The following HNRNPLL variants were observed in gnomAD, a reference collection of about 807,000 sequenced individuals.
HNRNPLL encodes heterogeneous nuclear ribonucleoprotein L-like.
HNRNPLL carries 25 observed loss-of-function variants against 67.1 expected under a neutral mutation model. That is an observed-to-expected ratio of 0.37 (90% CI 0.27 to 0.52). The LOEUF (loss-of-function observed/expected upper bound fraction) is 0.52, where lower values mean the gene tolerates loss of function less well. Ranked by LOEUF, HNRNPLL falls within the 20% of genes least tolerant of loss-of-function variation. HNRNPLL has a pLI of 0.90. For synonymous variants in HNRNPLL, 267 were observed against 241.7 expected (o/e 1.10, Z -0.97); for missense variants, 542 against 673.9 (o/e 0.80, Z 2.17).
chr2:38,591,460 G>C (rs1666954211), intron 2 of HNRNPLL, 70 bp downstream of exon 2: 3 of 846,860 alleles, frequency 3.5e-6, no homozygotes, highest in Non-Finnish European at 6.2e-6. Flanking sequence ...AAACATCAAG[G>C]CTTGTAACAA....
intron 4 of HNRNPLL, among the ~76,000 whole-genome samples, chr2:38,582,772 T>C (rs1021172696): frequency 3.3e-5 from 5 of 151,678 alleles, no homozygotes; most frequent in South Asian, 2.1e-4. Context: ...ATACAAAAAT[T>C]AGCTGGGTGT....
chr2:38,562,199 T>C lies in HNRNPLL; in HGVS notation c.*1983A>G, dbSNP rs887621745. ...AAGCAAACTTCATTAACAGCAGTCA[T>C]GCCTAAGTAAACTATCAAAAACATT... is the stretch of plus-strand genomic sequence containing the variant. On this transcript the variant is annotated 3_prime_UTR_variant, in exon 13 of 13. Coordinates refer to ENST00000449105, the MANE Select transcript of HNRNPLL (RefSeq NM_138394.4). The C allele has an allele frequency of 2.0e-5, 3 of 152,176 alleles. No individual in the cohort carries two copies. Among genetic ancestry groups the C allele is most frequent in the African/African-American group, 7.2e-5 (3 of 41,440 alleles). The allele number at this position is 152,176 out of a possible 1,614,324, so 9.4% of individuals were successfully genotyped here.
At chr2:38,602,092 G>C (rs1280662474) in intron 1 of HNRNPLL, 18 of 285,408 alleles carry the variant, frequency 6.3e-5, no homozygotes, top group African/African-American at 6.9e-5. Context: ...CGCTGGCCCC[G>C]AGCCCGAGGA....
chr2:38,600,979 A>T (rs1181386412), intron 1 of HNRNPLL, among the ~76,000 whole-genome samples: 1 of 152,252 alleles, frequency 6.6e-6, no homozygotes, highest in Non-Finnish European at 1.5e-5. Flanking sequence ...ACATTTCATG[A>T]TGCTGCACAA....
intron 1 of HNRNPLL, among the ~76,000 whole-genome samples, chr2:38,597,021 T>C (rs925670423): frequency 9.2e-5 from 14 of 152,336 alleles, no homozygotes; most frequent in Non-Finnish European, 1.3e-4. Context: ...CTCTTAATAA[T>C]ACAATATTTT....
intron 6 of HNRNPLL, chr2:38,581,525 T>A: frequency 3.7e-6 from 1 of 267,330 alleles, no homozygotes; most frequent in Non-Finnish European, 7.0e-6. Flanking sequence ...GAGTCCTCTA[T>A]CCTTCTTAAT....
At chr2:38,586,841 CA>C (rs1341869221) in intron 2 of HNRNPLL, among the ~76,000 whole-genome samples, 1 of 151,562 alleles carries the variant, frequency 6.6e-6, no homozygotes, top group Non-Finnish European at 1.5e-5. Context: ...ACGAAGCAGC[CA>C]AAAAAACCCC....
rs758837741 is a variant in HNRNPLL at position 38,602,877 on chromosome 2, CCCT to C, written c.-254_-252del. 5.2e-5 allele frequency: 80 copies of C among 1,546,492 alleles called. No individual in the cohort carries two copies. The highest frequency in any genetic ancestry group is 1.5e-4 in the East Asian group (6 of 40,658). On this transcript the variant is annotated 5_prime_UTR_variant, in exon 1 of 13. Coordinates refer to ENST00000449105, the MANE Select transcript of HNRNPLL (RefSeq NM_138394.4). Reference sequence around the variant, plus strand: ...ATTACCGAGCCAACATTCAGCCTCTCCCTCCTCCTCCTCCGTCTCCGCTCCCTG... The same window carrying C: ...ATTACCGAGCCAACATTCAGCCTCTCCCTCCTCCTCCGTCTCCGCTCCCTG...
At position 38,581,992 on chromosome 2, in the gene HNRNPLL, A is replaced by G; in HGVS notation, c.730-7T>C. 6.2e-7 allele frequency: 1 copy of G among 1,610,884 alleles called. No homozygotes were observed. Among genetic ancestry groups the G allele is most frequent in the South Asian group, 1.1e-5 (1 of 90,998 alleles). ...TAACATTTAGACGAGTTGGCTGTTA[A>G]GATTGAAAATAATGTAAGTTCAAAC... On this transcript the variant is annotated splice_region_variant and splice_polypyrimidine_tract_variant and intron_variant, in intron 5 of 12. Transcript: ENST00000449105.
chr2:38,573,070 T>A (rs1666155381), intron 8 of HNRNPLL, 140 bp downstream of exon 8: 1 of 633,302 alleles, frequency 1.6e-6, no homozygotes, highest in South Asian at 1.9e-5. Context: ...AGTTCCTATA[T>A]AATAGATTTT....
At chr2:38,578,835 G>C (rs1331866993) in intron 6 of HNRNPLL, among the ~76,000 whole-genome samples, 3 of 151,886 alleles carry the variant, frequency 2.0e-5, no homozygotes, top group African/African-American at 7.3e-5. Context: ...TTAGTCGTTG[G>C]CCAAAACCTC....
chr2:38,600,391 G>C (rs1438824972), intron 1 of HNRNPLL, among the ~76,000 whole-genome samples: 2 of 152,132 alleles, frequency 1.3e-5, no homozygotes, highest in Non-Finnish European at 2.9e-5. Flanking sequence ...TACAGACTAA[G>C]AGAACTCAGA....
intron 7 of HNRNPLL, among the ~76,000 whole-genome samples, chr2:38,575,269 T>C (rs868192639): frequency 5.3e-5 from 8 of 152,002 alleles, no homozygotes; most frequent in South Asian, 2.1e-4. Flanking sequence ...AAGTTTTCTA[T>C]ACTAAATTGA....
intron 6 of HNRNPLL, chr2:38,581,027 T>C (rs981364457): frequency 2.6e-5 from 4 of 152,204 alleles, no homozygotes; most frequent in African/African-American, 2.4e-5. Flanking sequence ...GTGACCACAA[T>C]TGAGAAAAAA....
chr2:38,591,190 A>T (rs960737075), intron 2 of HNRNPLL, among the ~76,000 whole-genome samples: 4 of 152,218 alleles, frequency 2.6e-5, no homozygotes, highest in African/African-American at 9.6e-5. Flanking sequence ...TCTGAAGATG[A>T]AGCATGTAAT....
chr2:38,585,278 A>G (rs1666681578), intron 3 of HNRNPLL, among the ~76,000 whole-genome samples: 1 of 152,256 alleles, frequency 6.6e-6, no homozygotes, highest in South Asian at 2.1e-4. Flanking sequence ...GCATCTTACC[A>G]TAACATGGGA....
intron 1 of HNRNPLL, among the ~76,000 whole-genome samples, chr2:38,600,556 C>G (rs540683600): frequency 6.6e-6 from 1 of 152,068 alleles, no homozygotes; most frequent in South Asian, 2.1e-4. Flanking sequence ...GGTGAAACCC[C>G]TTCTCTACAA....
chr2:38,601,083 T>C (rs891417150), intron 1 of HNRNPLL, among the ~76,000 whole-genome samples: 4 of 152,170 alleles, frequency 2.6e-5, no homozygotes, highest in African/African-American at 9.7e-5. Flanking sequence ...CACAACAGAG[T>C]TGGCTTTGAA....
chr2:38,565,680 G>C (rs1486782192), intron 12 of HNRNPLL, among the ~76,000 whole-genome samples: 3 of 137,162 alleles, frequency 2.2e-5, no homozygotes, highest in Non-Finnish European at 4.6e-5. Flanking sequence ...AGTGGGCTGT[G>C]ATTGCACCAC....
Sources: gnomAD v4.1 joint callset for allele counts (sites outside exome capture counted in the v4.1 genomes callset) on GRCh38, gnomAD v4.1.1 for gene constraint, MANE v1.5 for transcripts, NCBI Gene and HGNC (gene_info 2026-07-23, HGNC 2026-07-21) for gene names.